The following HOPX variants were observed in gnomAD, a reference collection of about 807,000 sequenced individuals.
HOPX encodes the protein homeodomain-only protein.
In HOPX, 5 loss-of-function variants were observed where a neutral mutation model predicts 11.8. The observed-to-expected ratio is 0.43, with a 90% CI of 0.22 to 0.89. The LOEUF (loss-of-function observed/expected upper bound fraction) is 0.89, where lower values mean the gene tolerates loss of function less well. HOPX is among the 40% of genes least tolerant of loss of function. The probability of loss-of-function intolerance (pLI) is 0.28; values close to 1 mark genes in which losing one functional copy is unlikely to be tolerated. For synonymous variants in HOPX, 49 were observed against 49.7 expected, an observed-to-expected ratio of 0.99 and a Z score of 0.06; for missense variants, 119 against 120.0, an observed-to-expected ratio of 0.99 and a Z score of 0.04.
chr4:56,651,871 A>AGTGTGTGT (rs1223955133), intron 3 of HOPX, among the ~76,000 whole-genome samples: 1 of 109,520 alleles, frequency 9.1e-6, no homozygotes, highest in African/African-American at 3.4e-5. Context: ...AGAGAGAGAG[A>AGTGTGTGT]GAGTGTGTGT....
intron 2 of HOPX, 92 bp from the exon 3 acceptor site, chr4:56,656,104 C>T: frequency 1.5e-6 from 2 of 1,319,966 alleles, no homozygotes; most frequent in Non-Finnish European, 1.9e-6. Context: ...CCGGGCAGCC[C>T]CAGCCCCAGG....
At chr4:56,681,679 G>A, upstream of HOPX, 1 of 999,764 alleles carries the variant, frequency 1.0e-6, no homozygotes, top group Non-Finnish European at 1.2e-6. Flanking sequence ...GTTAGATGTT[G>A]CCTCATTTCA....
At chr4:56,650,729 C>T (rs141906115) in intron 3 of HOPX, 7 of 1,551,656 alleles carry the variant, frequency 4.5e-6, no homozygotes, top group East Asian at 4.9e-5. Flanking sequence ...AAGCCAAGCA[C>T]GGCAGACTAT....
At chr4:56,657,993 T>A (rs1717874043) in intron 1 of HOPX, 94 bp from the exon 2 acceptor site, 3 of 1,212,162 alleles carry the variant, frequency 2.5e-6, no homozygotes, top group Middle Eastern at 2.9e-4. Flanking sequence ...AGGACACCAA[T>A]TCTAGCCAAA....
rs1716894833 is a variant in HOPX at position 56,648,821 on chromosome 4, AT to A, written c.199-25del. ...TTCTGGAAGAGAGAAATGAGAAAAA[AT>A]ATTTGTCACATACAGAAAAACTGAA... On this transcript the variant is annotated intron_variant, in intron 3 of 3. Transcript: ENST00000420433. The A allele has an allele frequency of 1.9e-6, 3 of 1,589,706 alleles. No individual in the cohort carries two copies. The African/African-American group carries it at 4.0e-5, about 21-fold the overall frequency.
chr4:56,672,765 G>A (rs1181253891), intron 1 of HOPX: 1 of 151,920 alleles, frequency 6.6e-6, no homozygotes, highest in Non-Finnish European at 1.5e-5. Flanking sequence ...AAAGTGCTGG[G>A]ATTACAGGTG....
chr4:56,671,055 T>C (rs1718710980), intron 1 of HOPX, among the ~76,000 whole-genome samples: 1 of 152,228 alleles, frequency 6.6e-6, no homozygotes, highest in East Asian at 1.9e-4. Context: ...TATTGCTCTG[T>C]AGACATCCAA....
chr4:56,661,634 T>C (rs1718144609), intron 1 of HOPX, among the ~76,000 whole-genome samples: 1 of 152,256 alleles, frequency 6.6e-6, no homozygotes, highest in Non-Finnish European at 1.5e-5. Flanking sequence ...ACCTAATTTT[T>C]GCCAAAGTTG....
At chr4:56,675,361 G>T (rs879847746) in intron 1 of HOPX, among the ~76,000 whole-genome samples, 1 of 151,586 alleles carries the variant, frequency 6.6e-6, no homozygotes, top group Non-Finnish European at 1.5e-5. Flanking sequence ...GTACTCATAG[G>T]TAACCATATA....
chr4:56,670,103 T>C (rs984840352), intron 1 of HOPX, among the ~76,000 whole-genome samples: 7 of 152,228 alleles, frequency 4.6e-5, no homozygotes, highest in African/African-American at 1.7e-4. Flanking sequence ...TTATTGTCAA[T>C]ATGGTTGTGC....
At chr4:56,655,815 C>G in intron 3 of HOPX, 42 bp downstream of exon 3, 1 of 1,444,552 alleles carries the variant, frequency 6.9e-7, no homozygotes, top group East Asian at 2.5e-5. Context: ...AGGCTCAGCC[C>G]AGGCAGGGGT....
chr4:56,680,728 A>G (rs1205311447), intron 1 of HOPX: 1 of 151,952 alleles, frequency 6.6e-6, no homozygotes, highest in Non-Finnish European at 1.5e-5. Context: ...TTTTGTTGTT[A>G]TAAATAAGTA....
chr4:56,673,656 C>G (rs1403265222), intron 1 of HOPX, among the ~76,000 whole-genome samples: 1 of 152,176 alleles, frequency 6.6e-6, no homozygotes, highest in Non-Finnish European at 1.5e-5. Context: ...GGCTTTATAG[C>G]CTTCTCTTGT....
intron 1 of HOPX, among the ~76,000 whole-genome samples, chr4:56,676,938 C>A (rs1560376564): frequency 1.3e-5 from 2 of 151,358 alleles, no homozygotes; most frequent in Admixed American, 6.6e-5. Context: ...CGAATGGGCC[C>A]ATGGCCACAT....
At chr4:56,677,145 G>A (rs771369967) in intron 1 of HOPX, among the ~76,000 whole-genome samples, 1 of 151,766 alleles carries the variant, frequency 6.6e-6, no homozygotes, top group Non-Finnish European at 1.5e-5. Context: ...ACCTTAAGGT[G>A]GCTCTCCATT....
At position 56,657,899 on chromosome 4, in the gene HOPX, T is replaced by G. The variant is rs947079536; in HGVS notation, c.-83A>C. On this transcript the variant is annotated splice_region_variant and 5_prime_UTR_variant, in exon 2 of 4. Coordinates refer to ENST00000420433, the MANE Select transcript of HOPX (RefSeq NM_032495.6). Reference sequence around the variant, plus strand: ...TCTCAGTGGGGCAGTCTGTCATTAGTCTGGTAGGAAAAATCAGGAGGGCAG... The same window carrying G: ...TCTCAGTGGGGCAGTCTGTCATTAGGCTGGTAGGAAAAATCAGGAGGGCAG... The G allele has an allele frequency of 1.5e-5, 24 of 1,550,532 alleles. No individual in the cohort carries two copies. The African/African-American group carries it at 2.5e-4, about 16-fold the overall frequency.
chr4:56,658,025 C>A, intron 1 of HOPX, 126 bp from the exon 2 acceptor site: 2 of 706,234 alleles, frequency 2.8e-6, no homozygotes. Context: ...GAACCACCCA[C>A]CACTGCTTGC....
chr4:56,651,700 G>C (rs1717182836), intron 3 of HOPX, among the ~76,000 whole-genome samples: 1 of 152,142 alleles, frequency 6.6e-6, no homozygotes, highest in Non-Finnish European at 1.5e-5. Context: ...GAGACCTTTA[G>C]AGGTCTTTAT....
chr4:56,656,523 C>T (rs4558922), intron 2 of HOPX: 456,170 of 966,158 alleles, frequency 0.47, 110,961 homozygotes, highest in African/African-American at 0.66. Context: ...CTTCTGTCTC[C>T]GCAGTGGGTT....
Sources: allele counts gnomAD v4.1 joint callset (sites outside exome capture counted in the v4.1 genomes callset), GRCh38; gene constraint gnomAD v4.1.1; transcripts MANE v1.5; gene names NCBI Gene and HGNC (gene_info 2026-07-23, HGNC 2026-07-21).